The following NXPE2 variants were observed in gnomAD, a reference collection of about 807,000 sequenced individuals.
NXPE2 encodes neurexophilin and PC-esterase domain family member 2, also known as NXPE family member 2.
A neutral mutation model predicts 34.4 loss-of-function variants in NXPE2; 34 were observed. That is an observed-to-expected ratio of 0.99 (90% CI 0.75 to 1.31). NXPE2 has a LOEUF of 1.31. Among genes scored for constraint, NXPE2 ranks in the 40% most tolerant of loss-of-function variants. The pLI, the probability that NXPE2 is intolerant of heterozygous loss-of-function variation, is 0.00. For synonymous variants in NXPE2, 235 were observed against 231.3 expected, an observed-to-expected ratio of 1.02 and a Z score of -0.15; for missense variants, 649 against 672.5, an observed-to-expected ratio of 0.97 and a Z score of 0.39.
chr11:114,687,260 T>C (rs941898140), intron 2 of NXPE2, among the ~76,000 whole-genome samples: 1 of 152,162 alleles, frequency 6.6e-6, no homozygotes, highest in African/African-American at 2.4e-5. Context: ...TATATTTAAG[T>C]CTTTAACCCA....
chr11:114,809,519 CA>C, the NXPE2 span, among the ~76,000 whole-genome samples: 1 of 24,284 alleles, frequency 4.1e-5, no homozygotes. Flanking sequence ...AATCAATGTA[CA>C]AAAATCACAA....
chr11:114,774,432 TG>T, the NXPE2 span, among the ~76,000 whole-genome samples: 7 of 152,210 alleles, frequency 4.6e-5, no homozygotes, highest in African/African-American at 1.7e-4. Flanking sequence ...TGAAGCAAGA[TG>T]TGAAGGAGGC....
At chr11:114,593,914 G>C in the NXPE2 span, among the ~76,000 whole-genome samples, 49 of 152,240 alleles carry the variant, frequency 3.2e-4, no homozygotes, top group Non-Finnish European at 6.2e-4. Context: ...AGTGAAATAA[G>C]CTAGGCACAG....
chr11:114,810,916 T>C, the NXPE2 span, among the ~76,000 whole-genome samples: 1 of 152,028 alleles, frequency 6.6e-6, no homozygotes, highest in South Asian at 2.1e-4. Flanking sequence ...CTATTCACAA[T>C]AGCAAAGACT....
the NXPE2 span, among the ~76,000 whole-genome samples, chr11:114,482,041 A>AAT: frequency 0.41 from 61,414 of 151,370 alleles, 13,250 homozygotes; most frequent in East Asian, 0.6. Flanking sequence ...TTTCAACTGA[A>AAT]GAATGAAAGA....
At chr11:114,633,960 C>T in the NXPE2 span, among the ~76,000 whole-genome samples, 5 of 152,008 alleles carry the variant, frequency 3.3e-5, no homozygotes, top group South Asian at 2.1e-4. Context: ...TGATTTATAG[C>T]CCTTTGGGTA....
At chr11:114,793,771 G>T in the NXPE2 span, among the ~76,000 whole-genome samples, 1 of 152,188 alleles carries the variant, frequency 6.6e-6, no homozygotes, top group East Asian at 1.9e-4. Context: ...ATATACATAT[G>T]TGAACACAGA....
the NXPE2 span, among the ~76,000 whole-genome samples, chr11:114,474,603 G>C: frequency 5.3e-5 from 8 of 152,168 alleles, no homozygotes; most frequent in Admixed American, 5.2e-4. Context: ...CTGGTGGAGG[G>C]ATGCGGACAA....
the NXPE2 span, among the ~76,000 whole-genome samples, chr11:114,739,610 CTG>C: frequency 6.6e-6 from 1 of 152,048 alleles, no homozygotes; most frequent in South Asian, 2.1e-4. Context: ...AAGATTTACT[CTG>C]TTAGCAAATT....
the NXPE2 span, among the ~76,000 whole-genome samples, chr11:114,645,265 C>T: frequency 1.3e-5 from 2 of 152,210 alleles, no homozygotes; most frequent in Admixed American, 6.5e-5. Flanking sequence ...CATGTCACTG[C>T]ACTCCAGCCT....
chr11:114,679,173 A>G (rs1950902712), intron 1 of NXPE2, among the ~76,000 whole-genome samples: 1 of 151,822 alleles, frequency 6.6e-6, no homozygotes, highest in African/African-American at 2.4e-5. Context: ...CTAAAAAAGT[A>G]AATGGGTGGT....
chr11:114,745,738 G>GA, the NXPE2 span, among the ~76,000 whole-genome samples: 1 of 151,822 alleles, frequency 6.6e-6, no homozygotes, highest in East Asian at 1.9e-4. Context: ...AAATAAGGTA[G>GA]AAAAACTAGA....
In NXPE2 at chr11:114,706,829, G is replaced by C. The variant is rs1951485903; in HGVS notation, c.1579G>C (p.Asp527His). The C allele has an allele frequency of 2.6e-6, 4 of 1,551,996 alleles. No individual in the cohort carries two copies. The highest frequency in any genetic ancestry group is 3.5e-6 in the Non-Finnish European group (4 of 1,146,850). The change falls in exon 6 of 6, where the codon GAT becomes CAT. Residue 527 changes from aspartate to histidine, a missense_variant. Physicochemically the swap from Asp to His is moderately conservative, Grantham distance 81 (BLOSUM62 -1). Coordinates refer to ENST00000389586, the MANE Select transcript of NXPE2 (RefSeq NM_182495.6). ...TGTGGATCTTAATGTGGGTATTATT[G>C]ATGCCTGGGACATGACGATTGCATA... ...IFVDLNVGII[D>H]AWDMTIAYCT...
At chr11:114,464,552 T>G in the NXPE2 span, among the ~76,000 whole-genome samples, 1 of 152,184 alleles carries the variant, frequency 6.6e-6, no homozygotes, top group Non-Finnish European at 1.5e-5. Flanking sequence ...AAAAATCAGT[T>G]GCATTTTAAT....
At chr11:114,470,978 C>T in the NXPE2 span, among the ~76,000 whole-genome samples, 2 of 152,136 alleles carry the variant, frequency 1.3e-5, no homozygotes, top group African/African-American at 4.8e-5. Flanking sequence ...CAAAAATTAA[C>T]CATGACAGGT....
At chr11:114,623,949 C>A in the NXPE2 span, among the ~76,000 whole-genome samples, 2 of 152,024 alleles carry the variant, frequency 1.3e-5, no homozygotes, top group Non-Finnish European at 2.9e-5. Flanking sequence ...TCTGGGGTAA[C>A]CACTGTTATC....
intron 2 of NXPE2, among the ~76,000 whole-genome samples, 191 bp from the exon 3 acceptor site, chr11:114,697,854 G>A (rs1951287927): frequency 6.6e-6 from 1 of 152,166 alleles, no homozygotes. Context: ...AAAACCATCT[G>A]CTGGCAGCAG....
At chr11:114,716,122 T>A in the NXPE2 span, among the ~76,000 whole-genome samples, 72 of 152,350 alleles carry the variant, frequency 4.7e-4, no homozygotes, top group African/African-American at 1.7e-3. Context: ...ATTCATCCTG[T>A]CCATGTACCC....
intron 2 of NXPE2, among the ~76,000 whole-genome samples, chr11:114,686,274 C>T (rs547555901): frequency 5.3e-5 from 8 of 152,068 alleles, no homozygotes; most frequent in Non-Finnish European, 1.0e-4. Flanking sequence ...CATCCTCCCT[C>T]CCTGCTTTTG....
Sources: allele counts gnomAD v4.1 joint callset (sites outside exome capture counted in the v4.1 genomes callset), GRCh38; gene constraint gnomAD v4.1.1; transcripts MANE v1.5; gene names NCBI Gene and HGNC (gene_info 2026-07-23, HGNC 2026-07-21).